C2CD3: variants seen among roughly 807,000 people sequenced by gnomAD.
C2CD3 encodes C2 domain containing 3 centriole elongation regulator.
A neutral mutation model predicts 234.0 loss-of-function variants in C2CD3; 148 were observed. The observed-to-expected ratio is 0.63, with a 90% CI of 0.55 to 0.72. The LOEUF (loss-of-function observed/expected upper bound fraction) is 0.72. Among genes scored for constraint, C2CD3 ranks in the 30% least tolerant of loss-of-function variants. The probability of loss-of-function intolerance (pLI) is 0.00; values close to 1 mark genes in which losing one functional copy is unlikely to be tolerated. For missense variants in C2CD3, 2,577 were observed against 2,811.5 expected, an observed-to-expected ratio of 0.92 and a Z score of 1.89; for synonymous variants, 1,000 against 1,035.4, an observed-to-expected ratio of 0.97 and a Z score of 0.66.
chr11:74,077,787 A>AC (rs1955112663), intron 23 of C2CD3, among the ~76,000 whole-genome samples: 1 of 3,322 alleles, frequency 3.0e-4, no homozygotes, highest in Admixed American at 3.0e-3. Context: ...ATATATATAT[A>AC]TATATATATA....
intron 3 of C2CD3, among the ~76,000 whole-genome samples, chr11:74,158,967 G>C (rs1009418768): frequency 3.3e-5 from 5 of 152,108 alleles, no homozygotes; most frequent in Non-Finnish European, 7.4e-5. Context: ...ATTAAAAGTA[G>C]AACTACCATA....
chr11:74,072,247 A>G (rs1954829815), intron 24 of C2CD3, among the ~76,000 whole-genome samples: 1 of 152,248 alleles, frequency 6.6e-6, no homozygotes, highest in Non-Finnish European at 1.5e-5. Flanking sequence ...TTTCTGATAC[A>G]CAATGGCTGA....
At chr11:74,035,887 G>A (rs1038197375) in intron 30 of C2CD3, among the ~76,000 whole-genome samples, 5 of 151,824 alleles carry the variant, frequency 3.3e-5, no homozygotes, top group African/African-American at 1.2e-4. Context: ...TTGAGTCAGA[G>A]TCTTACTCTG....
At chr11:74,077,815 ATATATAT>A (rs1955126695) in intron 23 of C2CD3, among the ~76,000 whole-genome samples, 1 of 31,224 alleles carries the variant, frequency 3.2e-5, no homozygotes, top group Admixed American at 3.2e-4. Context: ...ATATATATAT[ATATATAT>A]ATATATATAT....
At position 74,033,541 on chromosome 11, in the gene C2CD3, C is replaced by G; in HGVS notation, c.6619G>C (p.Ala2207Pro). The change falls in exon 31 of 33, where the codon GCC (alanine) becomes CCC (proline). Residue 2207 changes from alanine to proline, a missense_variant. By Grantham distance (27) the Ala-to-Pro change is conservative (BLOSUM62 -1). Coordinates refer to ENST00000334126, the MANE Select transcript of C2CD3 (RefSeq NM_001286577.2). ...GTGGCAGCTTCATTCTCAGCTGGGG[C>G]CTCTGACTTGGGCTCCTTGTTCTGA... The part of the protein sequence containing the change: ...TDQNKEPKSE[A>P]PAENEAATSE... 1 of 1,536,186 alleles carries G rather than the reference C, an allele frequency of 6.5e-7. No individual in the cohort carries two copies. Among genetic ancestry groups the G allele is most frequent in the Non-Finnish European group, 8.7e-7 (1 of 1,146,918 alleles).
chr11:74,055,397 T>C (rs1953907459), intron 25 of C2CD3, among the ~76,000 whole-genome samples: 1 of 152,194 alleles, frequency 6.6e-6, no homozygotes, highest in Non-Finnish European at 1.5e-5. Context: ...ATTACAGTTT[T>C]AAGTGACAAA....
At chr11:74,087,641 A>T (rs1178432156) in intron 20 of C2CD3, among the ~76,000 whole-genome samples, 1 of 152,120 alleles carries the variant, frequency 6.6e-6, no homozygotes, top group Non-Finnish European at 1.5e-5. Flanking sequence ...AAAAGAAAGA[A>T]CTTGCATATG....
chr11:74,078,046 T>C lies in C2CD3; in HGVS notation c.4603+69A>G, dbSNP rs994657529. 4 of 1,512,702 alleles carry C rather than the reference T, an allele frequency of 2.6e-6. No individual in the cohort carries two copies. In the African/African-American group the frequency reaches 5.6e-5, roughly 21 times the overall value. 93.7% of individuals were successfully genotyped at this position (1,512,702 alleles called of 1,614,324 possible). On this transcript the variant is annotated intron_variant, in intron 23 of 32. Transcript: ENST00000334126. ...TCAAGTAAAGTAATGTCTGACAGAG[T>C]GTCTCACCTAGTGTTTGACACAGAG...
intron 31 of C2CD3, among the ~76,000 whole-genome samples, chr11:74,030,905 T>C (rs1952499160): frequency 6.6e-6 from 1 of 152,206 alleles, no homozygotes. Flanking sequence ...TCTATTTCCT[T>C]TGTCTCATCC....
At chr11:74,084,265 G>A (rs975617363) in intron 22 of C2CD3, among the ~76,000 whole-genome samples, 6 of 151,976 alleles carry the variant, frequency 3.9e-5, no homozygotes, top group Admixed American at 2.0e-4. Context: ...GACACACGGC[G>A]GGGAACATTA....
intron 31 of C2CD3, among the ~76,000 whole-genome samples, chr11:74,030,794 G>A (rs117413525): frequency 0.011 from 1,607 of 152,234 alleles, 9 homozygotes; most frequent in Non-Finnish European, 0.016. Flanking sequence ...GCCCCAAACG[G>A]CAATCTGCAT....
At chr11:74,079,709 CAAGT>C (rs1463730409) in intron 22 of C2CD3, among the ~76,000 whole-genome samples, 1 of 151,818 alleles carries the variant, frequency 6.6e-6, no homozygotes, top group Non-Finnish European at 1.5e-5. Context: ...TTACTGCTAC[CAAGT>C]AAGAGAGCTA....
intron 22 of C2CD3, among the ~76,000 whole-genome samples, chr11:74,082,457 T>C (rs1955426730): frequency 6.6e-6 from 1 of 152,208 alleles, no homozygotes; most frequent in Admixed American, 6.5e-5. Flanking sequence ...TTATGAGATA[T>C]GTTCCATCAA....
Position 74,170,940 on chromosome 11 carries a change from T to C in C2CD3, c.-148A>G. On this transcript the variant is annotated 5_prime_UTR_variant, in exon 1 of 33. Transcript: ENST00000334126. ...AGGCAGGAAAAAGCGACTCTTCCTCTAACAGTCTCCGGAAAACGGTGCGAA... is the reference window on the plus strand; with the variant it reads ...AGGCAGGAAAAAGCGACTCTTCCTCCAACAGTCTCCGGAAAACGGTGCGAA... 1 of 1,502,854 alleles carries C rather than the reference T, an allele frequency of 6.7e-7. No individual in the cohort carries two copies. The highest frequency in any genetic ancestry group is 2.4e-5 in the East Asian group (1 of 41,014). 93.1% of individuals were successfully genotyped at this position (1,502,854 alleles called of 1,614,324 possible).
intron 7 of C2CD3, among the ~76,000 whole-genome samples, chr11:74,126,163 T>C (rs916669773): frequency 7.2e-5 from 11 of 152,188 alleles, no homozygotes; most frequent in Admixed American, 5.2e-4. Flanking sequence ...AGTGGAATTT[T>C]AGGTTGAAAA....
At chr11:74,081,159 A>G (rs1955339218) in intron 22 of C2CD3, among the ~76,000 whole-genome samples, 2 of 152,190 alleles carry the variant, frequency 1.3e-5, no homozygotes, top group Non-Finnish European at 2.9e-5. Flanking sequence ...GGTACTTTAT[A>G]TAACCAATTT....
chr11:74,044,301 C>T (rs1356176360), intron 28 of C2CD3, among the ~76,000 whole-genome samples: 2 of 151,942 alleles, frequency 1.3e-5, no homozygotes, highest in African/African-American at 4.8e-5. Flanking sequence ...ACTAAAAATA[C>T]AAAAATTAGC....
chr11:74,043,075 C>G (rs542207575), intron 28 of C2CD3, among the ~76,000 whole-genome samples: 1 of 152,174 alleles, frequency 6.6e-6, no homozygotes, highest in African/African-American at 2.4e-5. Flanking sequence ...TATGCAGTTA[C>G]GTAACTGTTA....
chr11:74,068,592 G>C (rs760353297), intron 24 of C2CD3, among the ~76,000 whole-genome samples: 4 of 152,144 alleles, frequency 2.6e-5, no homozygotes, highest in Non-Finnish European at 5.9e-5. Flanking sequence ...ACTGTTCCCA[G>C]AGGCAGGACA....
Sources: allele counts gnomAD v4.1 joint callset (sites outside exome capture counted in the v4.1 genomes callset), GRCh38; gene constraint gnomAD v4.1.1; transcripts MANE v1.5; gene names NCBI Gene and HGNC (gene_info 2026-07-23, HGNC 2026-07-21).